The following FSTL5 variants were observed in gnomAD, a reference collection of about 807,000 sequenced individuals.
FSTL5 encodes the protein follistatin like 5, also known as follistatin-related protein 5.
FSTL5 carries 62 observed loss-of-function variants against 89.1 expected under a neutral mutation model. The ratio of observed to expected loss-of-function variants is 0.70; its 90% CI spans 0.57 to 0.86. The LOEUF is 0.86. FSTL5 is among the 40% of genes least tolerant of loss of function. The probability of loss-of-function intolerance (pLI) is 0.00; values close to 1 mark genes in which losing one functional copy is unlikely to be tolerated. For missense variants in FSTL5, 1,057 were observed against 1,001.6 expected (o/e 1.06, Z -0.75); for synonymous variants, 383 against 346.2 (o/e 1.11, Z -1.18).
At chr4:161,598,375 A>AC (rs1734107452) in intron 7 of FSTL5, among the ~76,000 whole-genome samples, 2 of 149,686 alleles carry the variant, frequency 1.3e-5, no homozygotes, top group Non-Finnish European at 3.0e-5. Flanking sequence ...ACCCTGTCTC[A>AC]AAACAAACAA....
intron 3 of FSTL5, among the ~76,000 whole-genome samples, chr4:161,938,556 G>A (rs375447692): frequency 6.6e-6 from 1 of 151,972 alleles, no homozygotes; most frequent in African/African-American, 2.4e-5. Context: ...AAACACTGGT[G>A]TACACCTTCA....
chr4:161,386,180 T>C lies in FSTL5; in HGVS notation c.2111A>G (p.His704Arg), dbSNP rs1560869220. 9 of 1,613,926 alleles carry C rather than the reference T, an allele frequency of 5.6e-6. No individual in the cohort carries two copies. The highest frequency in any genetic ancestry group is 6.8e-6 in the Non-Finnish European group (8 of 1,179,972). ...CACATCATTAATGCTGACAAGGTAG[T>C]GGCCATCTGGAGAGACATATGGAGT... ...TGTPYVSPDGHYLVSINDVKG... is the reference protein window; with the variant it reads ...TGTPYVSPDGRYLVSINDVKG... The change falls in exon 16 of 16, where the codon CAC becomes CGC. Residue 704 changes from histidine (H) to arginine (R), a missense_variant. Transcript: ENST00000306100.
chr4:161,856,214 TGAAAGATCACTTGGG>T (rs1731716158), intron 4 of FSTL5, among the ~76,000 whole-genome samples: 1 of 152,078 alleles, frequency 6.6e-6, no homozygotes, highest in African/African-American at 2.4e-5. Context: ...GAATTTTTCT[TGAAAGATCACTTGGG>T]CTTAATTTGT....
chr4:161,716,373 G>T (rs551853776), intron 6 of FSTL5, among the ~76,000 whole-genome samples: 19 of 152,118 alleles, frequency 1.2e-4, no homozygotes, highest in Non-Finnish European at 1.9e-4. Flanking sequence ...AAAGTGGGCT[G>T]ATCACTTGAG....
At chr4:161,407,731 A>G (rs1731435045) in intron 15 of FSTL5, among the ~76,000 whole-genome samples, 1 of 152,168 alleles carries the variant, frequency 6.6e-6, no homozygotes, top group Non-Finnish European at 1.5e-5. Flanking sequence ...TGGGACTGGG[A>G]CACATCTATC....
intron 3 of FSTL5, among the ~76,000 whole-genome samples, chr4:161,926,865 A>G (rs191762391): frequency 1.7e-3 from 261 of 152,022 alleles, no homozygotes; most frequent in Non-Finnish European, 2.6e-3. Context: ...GGACTTATTT[A>G]GATGATAAGT....
rs532414289 is a variant in FSTL5 at position 162,034,366 on chromosome 4, G to C, written c.127-708C>G. On this transcript the variant is annotated intron_variant, in intron 2 of 15. Transcript: ENST00000306100. ...TAAGTTTAGGCACAAACATCGGGGA[G>C]AATTTTACTAAGAAAACACAAAAGA... Among the ~76,000 whole-genome samples, 376 of 152,184 alleles carry C rather than the reference G, an allele frequency of 2.5e-3. 4 individuals carry two copies. The highest frequency in any genetic ancestry group is 0.023 in the South Asian group (113 of 4,818).
intron 6 of FSTL5, among the ~76,000 whole-genome samples, chr4:161,745,021 G>A (rs781774628): frequency 7.3e-5 from 11 of 150,160 alleles, no homozygotes; most frequent in Non-Finnish European, 1.3e-4. Context: ...AGTAGTTTCC[G>A]GAGGAAAAAA....
intron 3 of FSTL5, among the ~76,000 whole-genome samples, chr4:161,974,095 A>G (rs570580641): frequency 1.8e-4 from 28 of 152,330 alleles, no homozygotes; most frequent in East Asian, 9.7e-4. Context: ...ACCACTGCTC[A>G]AGGAAATACA....
At chr4:161,894,042 T>G (rs1440601) in intron 4 of FSTL5, among the ~76,000 whole-genome samples, 2 of 152,056 alleles carry the variant, frequency 1.3e-5, no homozygotes, top group Non-Finnish European at 2.9e-5. Flanking sequence ...GGTTGTTTTA[T>G]AAAATGATCA....
intron 1 of FSTL5, among the ~76,000 whole-genome samples, chr4:162,132,553 G>T (rs547997793): frequency 4.7e-4 from 72 of 152,208 alleles, no homozygotes; most frequent in African/African-American, 1.7e-3. Flanking sequence ...CATTCTTGAA[G>T]TCAGTGACAC....
chr4:161,588,669 A>C (rs895687573), intron 7 of FSTL5, among the ~76,000 whole-genome samples: 9 of 152,250 alleles, frequency 5.9e-5, no homozygotes, highest in African/African-American at 2.2e-4. Flanking sequence ...TAGCCCACAG[A>C]GTATTTATTC....
At chr4:161,916,727 T>G (rs1733850553) in intron 4 of FSTL5, among the ~76,000 whole-genome samples, 1 of 152,146 alleles carries the variant, frequency 6.6e-6, no homozygotes. Flanking sequence ...AAAAAATTAT[T>G]GGTAAATTTA....
intron 1 of FSTL5, among the ~76,000 whole-genome samples, chr4:162,144,039 T>A (rs1461772950): frequency 1.3e-5 from 2 of 152,134 alleles, no homozygotes; most frequent in Non-Finnish European, 2.9e-5. Context: ...TCTATAATTA[T>A]GTCTAAAACA....
At chr4:161,501,549 C>T (rs1730294113) in intron 11 of FSTL5, among the ~76,000 whole-genome samples, 1 of 151,972 alleles carries the variant, frequency 6.6e-6, no homozygotes, top group East Asian at 1.9e-4. Context: ...TACATATACA[C>T]TTTAAATTAC....
chr4:161,409,159 GAGAGAAAGGCTAGGAGACCTAC>G (rs1731500613), intron 15 of FSTL5, among the ~76,000 whole-genome samples: 1 of 152,124 alleles, frequency 6.6e-6, no homozygotes, highest in Non-Finnish European at 1.5e-5. Flanking sequence ...AAGGCAGCTA[GAGAGAAAGGCTAGGAGACCTAC>G]AGAGAGAACT....
intron 5 of FSTL5, among the ~76,000 whole-genome samples, chr4:161,765,758 G>C (rs1228546818): frequency 1.3e-5 from 2 of 151,400 alleles, no homozygotes; most frequent in Admixed American, 1.3e-4. Context: ...ATAAAGAATT[G>C]ACATATGTTT....
intron 2 of FSTL5, among the ~76,000 whole-genome samples, chr4:162,092,521 T>C (rs1253570952): frequency 6.6e-6 from 1 of 152,140 alleles, no homozygotes; most frequent in Non-Finnish European, 1.5e-5. Context: ...TCACCTGAAT[T>C]ACATTCTTCA....
chr4:161,761,315 T>C (rs2126790996), intron 5 of FSTL5, among the ~76,000 whole-genome samples: 1 of 152,310 alleles, frequency 6.6e-6, no homozygotes, highest in South Asian at 2.1e-4. Context: ...TCAGTCATTC[T>C]CCATTTGCTA....
Sources: gnomAD v4.1 joint callset for allele counts (sites outside exome capture counted in the v4.1 genomes callset) on GRCh38, gnomAD v4.1.1 for gene constraint, MANE v1.5 for transcripts, NCBI Gene and HGNC (gene_info 2026-07-23, HGNC 2026-07-21) for gene names.